TPST1: variants seen among roughly 807,000 people sequenced by gnomAD.
TPST1 encodes tyrosylprotein sulfotransferase 1.
Under a neutral mutation model 34.8 loss-of-function variants are expected in TPST1, and 20 were observed. That is an observed-to-expected ratio of 0.57 (90% CI 0.40 to 0.84). The LOEUF (loss-of-function observed/expected upper bound fraction) is 0.84. Ranked by LOEUF, TPST1 falls within the 40% of genes least tolerant of loss-of-function variation. The pLI, the probability that TPST1 is intolerant of heterozygous loss-of-function variation, is 0.00. For synonymous variants in TPST1, 152 were observed against 159.4 expected, an observed-to-expected ratio of 0.95 and a Z score of 0.35; for missense variants, 353 against 455.5, an observed-to-expected ratio of 0.78 and a Z score of 2.05.
chr7:66,219,507 T>C (rs868111548), intron 1 of TPST1, among the ~76,000 whole-genome samples: 1 of 152,362 alleles, frequency 6.6e-6, no homozygotes, highest in Middle Eastern at 3.4e-3. Context: ...TGTGCAAATA[T>C]GCATCCTGCT....
intron 4 of TPST1, chr7:66,352,862 C>T: frequency 1.0e-6 from 1 of 985,406 alleles, no homozygotes; most frequent in Non-Finnish European, 1.2e-6. Flanking sequence ...TAAAGCTGCT[C>T]CAGCGTTCCA....
chr7:66,283,683 G>A (rs1489213402), intron 2 of TPST1, among the ~76,000 whole-genome samples: 1 of 152,206 alleles, frequency 6.6e-6, no homozygotes, highest in African/African-American at 2.4e-5. Flanking sequence ...GGCAGTGTGA[G>A]TCAATTTAAT....
the TPST1 span, among the ~76,000 whole-genome samples, chr7:66,199,012 T>C: frequency 9.9e-4 from 150 of 152,254 alleles, no homozygotes; most frequent in Admixed American, 2.2e-3. Context: ...TCACTTTAGG[T>C]GGAGTGAAAG....
upstream of TPST1, among the ~76,000 whole-genome samples, chr7:66,201,203 G>A (rs944525404): frequency 6.6e-6 from 1 of 152,008 alleles, no homozygotes; most frequent in Non-Finnish European, 1.5e-5. Flanking sequence ...CAGTTTTTCA[G>A]GAACAAGTTT....
chr7:66,245,967 A>G (rs909374947), intron 2 of TPST1, among the ~76,000 whole-genome samples: 1 of 151,814 alleles, frequency 6.6e-6, no homozygotes, highest in Non-Finnish European at 1.5e-5. Flanking sequence ...CTCCTTTGTG[A>G]AGGCACTGCC....
chr7:66,333,509 A>G (rs1792035931), intron 3 of TPST1, among the ~76,000 whole-genome samples: 1 of 152,238 alleles, frequency 6.6e-6, no homozygotes, highest in South Asian at 2.1e-4. Context: ...TGTGTCACTC[A>G]GGCTTTGAGA....
the TPST1 span, among the ~76,000 whole-genome samples, chr7:66,199,002 T>G: frequency 1.3e-5 from 2 of 152,134 alleles, no homozygotes; most frequent in African/African-American, 4.8e-5. Flanking sequence ...GGCTTTTAGG[T>G]CACTTTAGGT....
chr7:66,350,542 AAAAT>A (rs1343213315), intron 3 of TPST1, among the ~76,000 whole-genome samples: 1 of 152,178 alleles, frequency 6.6e-6, no homozygotes, highest in Non-Finnish European at 1.5e-5. Flanking sequence ...ACAAAAAAAA[AAAAT>A]AGACCAAGTT....
At chr7:66,207,287 C>T (rs1789149857) in intron 1 of TPST1, among the ~76,000 whole-genome samples, 1 of 152,058 alleles carries the variant, frequency 6.6e-6, no homozygotes, top group Non-Finnish European at 1.5e-5. Flanking sequence ...CTACTCTTGC[C>T]TTCTCTTCAT....
At chr7:66,326,645 T>C (rs1584242500) in intron 3 of TPST1, among the ~76,000 whole-genome samples, 2 of 152,342 alleles carry the variant, frequency 1.3e-5, no homozygotes, top group South Asian at 4.1e-4. Context: ...TCCTCTGTAC[T>C]ACTTTCTGTA....
intron 2 of TPST1, among the ~76,000 whole-genome samples, chr7:66,254,596 G>A (rs914879732): frequency 1.3e-5 from 2 of 151,948 alleles, no homozygotes; most frequent in Non-Finnish European, 2.9e-5. Context: ...TAGAGACAGG[G>A]TTTTGCCATG....
chr7:66,317,769 T>C (rs149215047), intron 3 of TPST1, among the ~76,000 whole-genome samples: 2 of 152,352 alleles, frequency 1.3e-5, no homozygotes, highest in East Asian at 3.9e-4. Flanking sequence ...TGTGCTTTTG[T>C]GGACTGTTTT....
intron 3 of TPST1, among the ~76,000 whole-genome samples, chr7:66,294,675 A>C (rs1791156246): frequency 1.3e-5 from 2 of 151,968 alleles, no homozygotes; most frequent in Admixed American, 6.6e-5. Flanking sequence ...AGGATAAGAG[A>C]ATAAAAATCA....
chr7:66,320,113 A>T (rs150768963), intron 3 of TPST1, among the ~76,000 whole-genome samples: 80 of 152,216 alleles, frequency 5.3e-4, no homozygotes, highest in African/African-American at 1.8e-3. Context: ...TCCCAATTAT[A>T]TGTGTTATTC....
chr7:66,331,882 T>C (rs1792001633), intron 3 of TPST1, among the ~76,000 whole-genome samples: 1 of 152,148 alleles, frequency 6.6e-6, no homozygotes, highest in African/African-American at 2.4e-5. Context: ...ACGAACACTT[T>C]TGTGAACTGT....
chr7:66,269,706 AAAG>A lies in TPST1; in HGVS notation c.846-16801_846-16799del, dbSNP rs1019045104. On this transcript the variant is annotated intron_variant, in intron 2 of 5. Coordinates refer to ENST00000304842, the MANE Select transcript of TPST1 (RefSeq NM_003596.4). ...ATTTAGAGCCATCTCATTTTTTAAAAAAGAAGGAGTTGAATGTTTAGTTTGTCA... is the reference window on the plus strand; with the variant it reads ...ATTTAGAGCCATCTCATTTTTTAAAAAAGGAGTTGAATGTTTAGTTTGTCA... 6.5e-4 allele frequency among the ~76,000 whole-genome samples: 99 copies of A among 152,354 alleles called. 2 individuals carry two copies. Among genetic ancestry groups the A allele is most frequent in the Non-Finnish European group, 1.8e-4 (12 of 68,028 alleles).
In TPST1 at chr7:66,255,876, A is replaced by C. The variant is rs541664118; in HGVS notation, c.845+14606A>C. ...AAAAACCAACTAGATTTAAGTAAGAATGTGATTCATGAAGCAGTACAGTTT... is the reference window on the plus strand; with the variant it reads ...AAAAACCAACTAGATTTAAGTAAGACTGTGATTCATGAAGCAGTACAGTTT... On this transcript the variant is annotated intron_variant, in intron 2 of 5. Coordinates refer to ENST00000304842, the MANE Select transcript of TPST1 (RefSeq NM_003596.4). 9.2e-5 allele frequency among the ~76,000 whole-genome samples: 14 copies of C among 152,272 alleles called. No individual in the cohort carries two copies. The East Asian group carries it at 2.5e-3, about 27-fold the overall frequency.
At position 66,241,255 on chromosome 7, in the gene TPST1, G is replaced by C; in HGVS notation, c.830G>C (p.Gly277Ala). The change falls in exon 2 of 6, where the codon GGA becomes GCA. Residue 277 changes from glycine to alanine, a missense_variant. Physicochemically the swap from Gly to Ala is moderately conservative, Grantham distance 60 (BLOSUM62 0). Coordinates refer to ENST00000304842, the MANE Select transcript of TPST1 (RefSeq NM_003596.4). ...GAAGAGATGATTGGGAAAGCTGGGG[G>C]AGTGTCTCTGTCAAAGTGAGTAGAA... Reference protein sequence around the residue: ...HHEEMIGKAGGVSLSKVERST... With the variant: ...HHEEMIGKAGAVSLSKVERST... 6.2e-7 allele frequency: 1 copy of C among 1,608,386 alleles called. No homozygotes were observed. Among genetic ancestry groups the C allele is most frequent in the African/African-American group, 1.3e-5 (1 of 74,752 alleles).
At chr7:66,304,932 CTTAGCTTCTTGACTA>C (rs1184479089) in intron 3 of TPST1, among the ~76,000 whole-genome samples, 2 of 152,026 alleles carry the variant, frequency 1.3e-5, no homozygotes, top group South Asian at 4.1e-4. Context: ...ATCCGCCTGC[CTTAGCTTCTTGACTA>C]TAGGTGTGCA....
Sources: allele counts gnomAD v4.1 joint callset (sites outside exome capture counted in the v4.1 genomes callset), GRCh38; gene constraint gnomAD v4.1.1; transcripts MANE v1.5; gene names NCBI Gene and HGNC (gene_info 2026-07-23, HGNC 2026-07-21).